EPS15L1: variants seen among roughly 807,000 people sequenced by gnomAD.
EPS15L1 encodes epidermal growth factor receptor substrate 15-like 1.
A neutral mutation model predicts 117.1 loss-of-function variants in EPS15L1; 43 were observed. That is an observed-to-expected ratio of 0.37 (90% CI 0.29 to 0.47). The LOEUF (loss-of-function observed/expected upper bound fraction) is 0.47. Among genes scored for constraint, EPS15L1 ranks in the 20% least tolerant of loss-of-function variants. EPS15L1 has a pLI of 0.99. For synonymous variants in EPS15L1, 459 were observed against 470.5 expected (o/e 0.98, Z 0.32); for missense variants, 981 against 1,164.0 (o/e 0.84, Z 2.29).
intron 19 of EPS15L1, among the ~76,000 whole-genome samples, chr19:16,390,684 T>G (rs549373540): frequency 6.6e-6 from 1 of 152,124 alleles, no homozygotes; most frequent in Non-Finnish European, 1.5e-5. Context: ...AATAATAGTA[T>G]TATAATATAC....
At chr19:16,393,114 AT>A (rs1462245492) in intron 18 of EPS15L1, among the ~76,000 whole-genome samples, 4 of 147,014 alleles carry the variant, frequency 2.7e-5, no homozygotes, top group Non-Finnish European at 4.5e-5. Flanking sequence ...AATAATAATA[AT>A]AATAATAATA....
At position 16,436,919 on chromosome 19, in the gene EPS15L1, C is replaced by G. The variant is rs929748799; in HGVS notation, c.372+18G>C. 1.2e-6 allele frequency: 2 copies of G among 1,601,302 alleles called. No homozygotes were observed. Among genetic ancestry groups the G allele is most frequent in the Non-Finnish European group, 1.7e-6 (2 of 1,168,668 alleles). On this transcript the variant is annotated intron_variant, in intron 6 of 23. Coordinates refer to ENST00000455140, the MANE Select transcript of EPS15L1 (RefSeq NM_001258374.3). ...ATCTGAAGGAGAGCCAAGGAGGGAG[C>G]TATTCCCGTTCACTTACCCTCACAG...
At chr19:16,408,795 GT>G (rs1190655970) in intron 13 of EPS15L1, among the ~76,000 whole-genome samples, 5 of 152,210 alleles carry the variant, frequency 3.3e-5, no homozygotes, top group African/African-American at 1.2e-4. Context: ...AGTCAGTGAT[GT>G]AGTGGCATGA....
intron 22 of EPS15L1, among the ~76,000 whole-genome samples, chr19:16,374,657 G>A (rs889313607): frequency 4.6e-5 from 7 of 152,208 alleles, no homozygotes; most frequent in Non-Finnish European, 1.0e-4. Flanking sequence ...GTGGGGAGGC[G>A]GGGGTGGCGG....
At chr19:16,379,348 C>T (rs2144712797) in intron 21 of EPS15L1, among the ~76,000 whole-genome samples, 1 of 152,158 alleles carries the variant, frequency 6.6e-6, no homozygotes, top group South Asian at 2.1e-4. Context: ...CCTCCAAGAG[C>T]ATAGAAGAGA....
intron 1 of EPS15L1, among the ~76,000 whole-genome samples, chr19:16,469,467 G>A (rs1415474463): frequency 6.6e-6 from 1 of 152,034 alleles, no homozygotes; most frequent in East Asian, 1.9e-4. Flanking sequence ...TTTTTGGAAA[G>A]CAGAAGAGAG....
At chr19:16,449,665 T>C (rs1179807714) in intron 1 of EPS15L1, among the ~76,000 whole-genome samples, 4 of 152,044 alleles carry the variant, frequency 2.6e-5, no homozygotes, top group Non-Finnish European at 4.4e-5. Flanking sequence ...CCGGGAGAAA[T>C]GAAGAGTCAT....
chr19:16,391,839 G>A (rs994759676), intron 19 of EPS15L1, among the ~76,000 whole-genome samples: 1 of 152,060 alleles, frequency 6.6e-6, no homozygotes, highest in South Asian at 2.1e-4. Context: ...CTGCCGTGAC[G>A]GGAGCACCTA....
intron 19 of EPS15L1, among the ~76,000 whole-genome samples, chr19:16,388,409 A>G (rs538909545): frequency 5.3e-5 from 8 of 152,346 alleles, no homozygotes; most frequent in Admixed American, 4.6e-4. Context: ...CCTAAACAGT[A>G]TAAACACCAA....
In EPS15L1 at chr19:16,453,808, A is replaced by G. The variant is rs367670862; in HGVS notation, c.34-11589T>C. Among the ~76,000 whole-genome samples the G allele has an allele frequency of 4.7e-4, 71 of 152,164 alleles. 1 individual carries two copies. In the South Asian group the frequency reaches 0.015, roughly 31 times the overall value. On this transcript the variant is annotated intron_variant, in intron 1 of 23. Coordinates refer to ENST00000455140, the MANE Select transcript of EPS15L1 (RefSeq NM_001258374.3). Reference sequence around the variant, plus strand: ...AACCTCAGCATCATGCAATACTCTCATGTAACAAATATGCACATGTACTCT... The same window carrying G: ...AACCTCAGCATCATGCAATACTCTCGTGTAACAAATATGCACATGTACTCT...
At chr19:16,415,511 T>G (rs574614865) in intron 12 of EPS15L1, among the ~76,000 whole-genome samples, 21 of 152,302 alleles carry the variant, frequency 1.4e-4, no homozygotes, top group African/African-American at 5.1e-4. Context: ...CATTGGAATA[T>G]TCATTTCCAC....
rs146404081 is a variant in EPS15L1, at chr19:16,359,548, C to T, written c.2586+2231G>A. On this transcript the variant is annotated intron_variant, in intron 23 of 23. Coordinates refer to ENST00000455140, the MANE Select transcript of EPS15L1 (RefSeq NM_001258374.3). ...CTCTGGAAAAAAACTGGGGTATTTG[C>T]AGTGGGAAAAGTGATTTTAAACAGA... Among the ~76,000 whole-genome samples the T allele has an allele frequency of 6.6e-5, 10 of 152,258 alleles. No individual in the cohort carries two copies. In the East Asian group the frequency reaches 1.9e-3, roughly 29 times the overall value.
chr19:16,412,721 G>A (rs1005564790), intron 13 of EPS15L1: 5 of 166,262 alleles, frequency 3.0e-5, no homozygotes, highest in Non-Finnish European at 3.5e-5. Flanking sequence ...GGTGGGGGGG[G>A]GGGGGGTGTC....
chr19:16,436,325 T>C (rs952850210), intron 6 of EPS15L1, among the ~76,000 whole-genome samples: 8 of 152,242 alleles, frequency 5.3e-5, no homozygotes, highest in Non-Finnish European at 1.5e-5. Flanking sequence ...GGAGGGACCA[T>C]GCTCACTTCC....
chr19:16,410,969 G>T (rs2092700867), intron 13 of EPS15L1, among the ~76,000 whole-genome samples: 1 of 152,122 alleles, frequency 6.6e-6, no homozygotes. Context: ...CCATAAAAAG[G>T]AATTCAACGC....
intron 7 of EPS15L1, among the ~76,000 whole-genome samples, chr19:16,431,360 G>A (rs2092925809): frequency 6.6e-6 from 1 of 150,762 alleles, no homozygotes; most frequent in Admixed American, 6.6e-5. Context: ...CTGGAGTGCA[G>A]TGGTATGATC....
intron 22 of EPS15L1, among the ~76,000 whole-genome samples, chr19:16,364,456 C>T (rs901257851): frequency 4.6e-5 from 7 of 152,304 alleles, no homozygotes; most frequent in East Asian, 1.9e-4. Flanking sequence ...AGCTCTACTG[C>T]GGCCTCCTCC....
At chr19:16,401,851 A>G in intron 16 of EPS15L1, 1 of 987,332 alleles carries the variant, frequency 1.0e-6, no homozygotes, top group Non-Finnish European at 1.2e-6. Flanking sequence ...GCTTGCCATT[A>G]CTTCCTCATC....
At chr19:16,414,178 G>A (rs923799800) in intron 12 of EPS15L1, among the ~76,000 whole-genome samples, 3 of 152,186 alleles carry the variant, frequency 2.0e-5, no homozygotes, top group African/African-American at 7.2e-5. Flanking sequence ...GGCCACGTGA[G>A]GGGGAACAGG....
Sources: allele counts gnomAD v4.1 joint callset (sites outside exome capture counted in the v4.1 genomes callset), GRCh38; gene constraint gnomAD v4.1.1; transcripts MANE v1.5; gene names NCBI Gene and HGNC (gene_info 2026-07-23, HGNC 2026-07-21).